DNAJC13: variants seen among roughly 807,000 people sequenced by gnomAD.
DNAJC13 encodes the protein dnaJ homolog subfamily C member 13.
Under a neutral mutation model 290.5 loss-of-function variants are expected in DNAJC13, and 75 were observed. The ratio of observed to expected loss-of-function variants is 0.26; its 90% confidence interval spans 0.21 to 0.31. The LOEUF (loss-of-function observed/expected upper bound fraction) is 0.31, where lower values mean the gene tolerates loss of function less well. Among genes scored for constraint, DNAJC13 ranks in the 10% least tolerant of loss-of-function variants. The probability of loss-of-function intolerance (pLI) is 1.00; values close to 1 mark genes in which losing one functional copy is unlikely to be tolerated. For synonymous variants in DNAJC13, 862 were observed against 892.0 expected (o/e 0.97, Z 0.60); for missense variants, 2,260 against 2,674.5 (o/e 0.85, Z 3.42).
At chr3:132,483,679 C>T in intron 28 of DNAJC13, 102 bp downstream of exon 28, 1 of 1,174,520 alleles carries the variant, frequency 8.5e-7, no homozygotes, top group South Asian at 1.4e-5. Flanking sequence ...TATTTATGGC[C>T]TTGGAGGAAT....
At chr3:132,522,713 C>T (rs1936128158) in intron 48 of DNAJC13, 115 bp from the exon 49 acceptor site, 2 of 845,950 alleles carry the variant, frequency 2.4e-6, no homozygotes, top group African/African-American at 1.7e-5. Flanking sequence ...TGGTTATGGC[C>T]CACATAAGTC....
intron 55 of DNAJC13, among the ~76,000 whole-genome samples, chr3:132,535,368 T>C (rs1048324634): frequency 1.2e-4 from 18 of 152,230 alleles, no homozygotes; most frequent in Non-Finnish European, 2.4e-4. Flanking sequence ...CCTGGCATAT[T>C]TTGTTTTATG....
At chr3:132,464,243 C>T (rs1933903450) in intron 17 of DNAJC13, among the ~76,000 whole-genome samples, 1 of 152,146 alleles carries the variant, frequency 6.6e-6, no homozygotes, top group South Asian at 2.1e-4. Context: ...CCACAGAAAA[C>T]CTTACATATC....
chr3:132,467,051 C>A, intron 19 of DNAJC13, 119 bp from the exon 20 acceptor site: 1 of 1,135,572 alleles, frequency 8.8e-7, no homozygotes, highest in Non-Finnish European at 1.2e-6. Context: ...TTTGTTTCTT[C>A]ACTGAACCAT....
At chr3:132,440,165 G>A (rs546855810) in intron 2 of DNAJC13, among the ~76,000 whole-genome samples, 1 of 152,334 alleles carries the variant, frequency 6.6e-6, no homozygotes, top group South Asian at 2.1e-4. Context: ...GCTGAGATGG[G>A]AGAATTGCTT....
intron 9 of DNAJC13, 61 bp from the exon 10 acceptor site, chr3:132,456,174 A>G: frequency 6.7e-7 from 1 of 1,502,528 alleles, no homozygotes; most frequent in Non-Finnish European, 9.1e-7. Context: ...GCTTCATGCT[A>G]GATCAAAATT....
chr3:132,441,365 C>G (rs549503003), intron 2 of DNAJC13, among the ~76,000 whole-genome samples: 1 of 152,266 alleles, frequency 6.6e-6, no homozygotes, highest in South Asian at 2.1e-4. Context: ...CTTGCATCAG[C>G]CAGTAGTGAA....
At chr3:132,424,937 G>A (rs1193346558) in intron 1 of DNAJC13, among the ~76,000 whole-genome samples, 1 of 151,936 alleles carries the variant, frequency 6.6e-6, no homozygotes, top group South Asian at 2.1e-4. Context: ...TTAAAAATAG[G>A]GTTAAAGTTC....
chr3:132,508,294 A>T (rs1243379900), intron 43 of DNAJC13, among the ~76,000 whole-genome samples: 4 of 152,244 alleles, frequency 2.6e-5, no homozygotes, highest in South Asian at 2.1e-4. Flanking sequence ...GCAAGTGCTG[A>T]TGGAGAAGCT....
chr3:132,506,198 A>G (rs1309718074), intron 42 of DNAJC13, among the ~76,000 whole-genome samples: 1 of 150,990 alleles, frequency 6.6e-6, no homozygotes, highest in Non-Finnish European at 1.5e-5. Flanking sequence ...GATTACAGGC[A>G]TGCACCACCA....
Position 132,484,580 on chromosome 3 carries a change from T to A in DNAJC13, c.3183-8T>A, listed in dbSNP as rs1016184650. 2 of 1,613,402 alleles carry A rather than the reference T, an allele frequency of 1.2e-6. No homozygotes were observed. The highest frequency in any genetic ancestry group is 8.5e-7 in the Non-Finnish European group (1 of 1,179,434). On this transcript the variant is annotated splice_region_variant and splice_polypyrimidine_tract_variant and intron_variant, in intron 28 of 55. Transcript: ENST00000260818. ...TATTAAATGTTGACGTGAGAAAATG[T>A]TTTCTAGGGATCAAGACAATGCCAT...
chr3:132,469,415 A>G (rs566921881), intron 20 of DNAJC13, among the ~76,000 whole-genome samples: 67 of 152,226 alleles, frequency 4.4e-4, no homozygotes, highest in Non-Finnish European at 7.8e-4. Context: ...TGGCTAATGT[A>G]TAAGGTTGCT....
intron 2 of DNAJC13, among the ~76,000 whole-genome samples, chr3:132,442,166 T>A (rs1271137915): frequency 1.3e-5 from 2 of 152,146 alleles, no homozygotes; most frequent in South Asian, 4.2e-4. Flanking sequence ...AATTGTTGGT[T>A]TTTTTGTGTG....
intron 35 of DNAJC13, among the ~76,000 whole-genome samples, chr3:132,496,326 G>T (rs1019059505): frequency 6.6e-6 from 1 of 151,892 alleles, no homozygotes; most frequent in Non-Finnish European, 1.5e-5. Flanking sequence ...TCAGTAAATG[G>T]TATTGAGATC....
chr3:132,481,625 C>A (rs1360622576), intron 26 of DNAJC13, among the ~76,000 whole-genome samples: 2 of 152,164 alleles, frequency 1.3e-5, no homozygotes, highest in Non-Finnish European at 2.9e-5. Context: ...ATAAAATAAC[C>A]CGACTACATA....
intron 2 of DNAJC13, among the ~76,000 whole-genome samples, chr3:132,438,207 G>A (rs1939430023): frequency 6.6e-6 from 1 of 152,060 alleles, no homozygotes; most frequent in African/African-American, 2.4e-5. Context: ...TTTCAACAGT[G>A]TTCTGTTGAT....
intron 1 of DNAJC13, among the ~76,000 whole-genome samples, chr3:132,418,593 T>C (rs1340156671): frequency 6.6e-6 from 1 of 152,214 alleles, no homozygotes; most frequent in African/African-American, 2.4e-5. Context: ...TTTCTCATTT[T>C]CCCTCTGCTT....
intron 1 of DNAJC13, among the ~76,000 whole-genome samples, chr3:132,432,877 A>C (rs942589316): frequency 2.0e-5 from 3 of 152,218 alleles, no homozygotes; most frequent in Non-Finnish European, 4.4e-5. Flanking sequence ...GCATTAATCA[A>C]ACCGCCATAG....
chr3:132,421,189 G>A (rs1018903021), intron 1 of DNAJC13, among the ~76,000 whole-genome samples: 1 of 152,166 alleles, frequency 6.6e-6, no homozygotes, highest in South Asian at 2.1e-4. Flanking sequence ...GTGTGTGTGT[G>A]TATTTTGTGA....
Sources: gnomAD v4.1 joint callset for allele counts (sites outside exome capture counted in the v4.1 genomes callset) on GRCh38, gnomAD v4.1.1 for gene constraint, MANE v1.5 for transcripts, NCBI Gene and HGNC (gene_info 2026-07-23, HGNC 2026-07-21) for gene names.